Variants in ITGAM observed in about 807,000 individuals in gnomAD.
ITGAM encodes the protein integrin subunit alpha M, also known as integrin alpha-M.
ITGAM carries 79 observed loss-of-function variants against 137.5 expected under a neutral mutation model. The ratio of observed to expected loss-of-function variants is 0.57; its 90% CI spans 0.48 to 0.69. ITGAM has a LOEUF of 0.69. Ranked by LOEUF, ITGAM falls within the 30% of genes least tolerant of loss-of-function variation. ITGAM has a pLI of 0.00. For synonymous variants in ITGAM, 583 were observed against 592.3 expected (o/e 0.98, Z 0.23); for missense variants, 1,343 against 1,483.5 (o/e 0.91, Z 1.56).
chr16:31,284,486 A>G (rs1191001882), intron 12 of ITGAM, among the ~76,000 whole-genome samples: 1 of 120,950 alleles, frequency 8.3e-6, no homozygotes, highest in African/African-American at 5.3e-5. Context: ...CTGCTGTGCT[A>G]GCGTGAGCAA....
At chr16:31,321,669 G>A (rs763789550) in intron 16 of ITGAM, 42 bp downstream of exon 16, 5 of 1,588,566 alleles carry the variant, frequency 3.1e-6, no homozygotes, top group East Asian at 4.5e-5. Flanking sequence ...AAACGACCGA[G>A]GACATGAATG....
At chr16:31,331,067 AG>A (rs2080575558) in intron 28 of ITGAM, 97 bp from the exon 29 acceptor site, 1 of 658,034 alleles carries the variant, frequency 1.5e-6, no homozygotes, top group South Asian at 1.8e-5. Flanking sequence ...GGACATGAGG[AG>A]GGGTTCCCCA....
chr16:31,307,077 G>C (rs958599051), intron 14 of ITGAM, among the ~76,000 whole-genome samples: 18 of 152,198 alleles, frequency 1.2e-4, no homozygotes, highest in Admixed American at 5.9e-4. Flanking sequence ...AAGTCAGGTA[G>C]CGTGATGCCT....
intron 19 of ITGAM, 79 bp downstream of exon 19, chr16:31,325,110 G>T: frequency 6.7e-7 from 1 of 1,489,486 alleles, no homozygotes. Flanking sequence ...TGGCCCCCAA[G>T]GGAGCCGGGT....
Position 31,281,232 on chromosome 16 carries a change from A to T in ITGAM, c.1356+3123A>T, listed in dbSNP as rs946041050. ...TTGGTATCAGGACGATGCTGGCCTC[A>T]AAAAATGAGTTAGGGAGGATTCCCT... On this transcript the variant is annotated intron_variant, in intron 12 of 29. Coordinates refer to ENST00000544665, the MANE Select transcript of ITGAM (RefSeq NM_000632.4). Among the ~76,000 whole-genome samples, 11 of 152,260 alleles carry T rather than the reference A, an allele frequency of 7.2e-5. No homozygotes were observed. In the East Asian group the frequency reaches 2.1e-3, roughly 29 times the overall value.
chr16:31,284,952 C>A (rs1363325470), intron 12 of ITGAM, among the ~76,000 whole-genome samples: 1 of 152,068 alleles, frequency 6.6e-6, no homozygotes, highest in Non-Finnish European at 1.5e-5. Context: ...CATACAAAAC[C>A]CCTCAGACAC....
At chr16:31,302,428 C>CTTTATTTCT (rs71390270) in intron 14 of ITGAM, among the ~76,000 whole-genome samples, 2 of 103,124 alleles carry the variant, frequency 1.9e-5, no homozygotes, top group Admixed American at 1.8e-4. Context: ...TTCTTTCTTT[C>CTTTATTTCT]TTCTTTCTTT....
At chr16:31,323,120 G>T (rs2144486993) in intron 16 of ITGAM, among the ~76,000 whole-genome samples, 1 of 152,088 alleles carries the variant, frequency 6.6e-6, no homozygotes, top group Non-Finnish European at 1.5e-5. Context: ...GAATAGGAAA[G>T]ATGCAGTAGT....
At chr16:31,295,787 G>T (rs2080126866) in intron 12 of ITGAM, among the ~76,000 whole-genome samples, 1 of 151,830 alleles carries the variant, frequency 6.6e-6, no homozygotes, top group Non-Finnish European at 1.5e-5. Flanking sequence ...GAGCATTCTT[G>T]CCTTTTTCCT....
intron 12 of ITGAM, among the ~76,000 whole-genome samples, chr16:31,284,302 T>C (rs1330768854): frequency 6.6e-6 from 1 of 152,196 alleles, no homozygotes. Flanking sequence ...TGCCTTTTGT[T>C]CAGCTATGCC....
Position 31,325,384 on chromosome 16 carries a change from C to T in ITGAM, c.2485C>T (p.Arg829Trp), listed in dbSNP as rs200357959. The change falls in exon 20 of 30, where the codon CGG becomes TGG. Residue 829 changes from arginine (R) to tryptophan (W), a missense_variant. Coordinates refer to ENST00000544665, the MANE Select transcript of ITGAM (RefSeq NM_000632.4). ...TFFFPLDLSY[R>W]KVSTLQNQRS... Reference sequence around the variant, plus strand: ...CTTCTTCCCGCTTGACCTGTCCTACCGGAAGGTGTCCACGCTCCAGGTAGC... The same window carrying T: ...CTTCTTCCCGCTTGACCTGTCCTACTGGAAGGTGTCCACGCTCCAGGTAGC... 74 of 1,613,328 alleles carry T rather than the reference C, an allele frequency of 4.6e-5. 1 individual carries two copies. The highest frequency in any genetic ancestry group is 5.2e-5 in the Non-Finnish European group (61 of 1,179,552).
In ITGAM at chr16:31,330,108, G is replaced by A. The variant is rs2080560239; in HGVS notation, c.3004G>A (p.Glu1002Lys). Reference protein sequence around the residue: ...ENLSSTCHTKERLPSHSDFLA... With the variant: ...ENLSSTCHTKKRLPSHSDFLA... ...CCTCTCGAGTACGTGCCACACCAAG[G>A]AGCGCTTGCCCTCTCACTCCGACTT... Residue 1002 changes from glutamate (E) to lysine (K), a missense_variant, in exon 26 of 30, where the codon GAG becomes AAG. Transcript: ENST00000544665. The A allele has an allele frequency of 6.2e-7, 1 of 1,613,716 alleles. No individual in the cohort carries two copies. The highest frequency in any genetic ancestry group is 8.5e-7 in the Non-Finnish European group (1 of 1,179,834).
At chr16:31,331,564 C>T in intron 29 of ITGAM, 72 bp from the exon 30 acceptor site, 1 of 1,021,944 alleles carries the variant, frequency 9.8e-7, no homozygotes, top group Non-Finnish European at 1.5e-6. Flanking sequence ...CCCTCCCGCC[C>T]CCTCCCCCTG....
rs370481306 is a variant in ITGAM at position 31,325,397 on chromosome 16, C to T, written c.2498C>T (p.Thr833Met). ...GACCTGTCCTACCGGAAGGTGTCCA[C>T]GCTCCAGGTAGCCACATCCTTCTCA... is the stretch of plus-strand genomic sequence containing the variant. ...PLDLSYRKVSTLQNQRSQRSW... is the reference protein window; with the variant it reads ...PLDLSYRKVSMLQNQRSQRSW... The change falls in exon 20 of 30, where the codon ACG (threonine) becomes ATG (methionine). Residue 833 changes from threonine to methionine, a missense_variant. Thr to Met is a moderately conservative substitution (Grantham distance 81). Transcript: ENST00000544665. 1.2e-5 allele frequency: 19 copies of T among 1,612,826 alleles called. No homozygotes were observed. Among genetic ancestry groups the T allele is most frequent in the South Asian group, 5.5e-5 (5 of 90,954 alleles).
intron 12 of ITGAM, among the ~76,000 whole-genome samples, chr16:31,285,794 TTCTC>T (rs1223395806): frequency 2.0e-5 from 3 of 151,918 alleles, no homozygotes; most frequent in African/African-American, 4.8e-5. Context: ...TTCTTTTCTT[TTCTC>T]TCTCTTTTTT....
rs2080590765 is a variant in ITGAM, at chr16:31,331,895, AT to A, written c.*189del. On this transcript the variant is annotated 3_prime_UTR_variant, in exon 30 of 30. Coordinates refer to ENST00000544665, the MANE Select transcript of ITGAM (RefSeq NM_000632.4). ...AGTGTCTGTGTGCAAGTGTGTGCAC[AT>A]GTGTGCGTGTGCGTGCATGTGCACT... 1.2e-5 allele frequency: 2 copies of A among 163,566 alleles called. No homozygotes were observed. Among genetic ancestry groups the A allele is most frequent in the East Asian group, 4.2e-4 (1 of 2,370 alleles). The allele number at this position is 163,566 out of a possible 1,614,324, so 10.1% of individuals were successfully genotyped here.
intron 14 of ITGAM, among the ~76,000 whole-genome samples, chr16:31,302,408 T>TTTTC (rs140903387): frequency 8.6e-4 from 113 of 130,946 alleles, no homozygotes; most frequent in East Asian, 5.4e-3. Flanking sequence ...TTCTTTTCTT[T>TTTTC]TTTCTTTCTT....
chr16:31,311,135 A>C (rs1231355065), intron 14 of ITGAM, among the ~76,000 whole-genome samples: 1 of 152,250 alleles, frequency 6.6e-6, no homozygotes, highest in Non-Finnish European at 1.5e-5. Flanking sequence ...AAATTAATTC[A>C]AGATGGATTA....
chr16:31,263,021 G>A (rs2079722818), intron 2 of ITGAM, among the ~76,000 whole-genome samples: 1 of 151,920 alleles, frequency 6.6e-6, no homozygotes, highest in African/African-American at 2.4e-5. Flanking sequence ...GGCTCACTGC[G>A]ACTTCTGCCT....
Sources: allele counts gnomAD v4.1 joint callset (sites outside exome capture counted in the v4.1 genomes callset), GRCh38; gene constraint gnomAD v4.1.1; transcripts MANE v1.5; gene names NCBI Gene and HGNC (gene_info 2026-07-23, HGNC 2026-07-21).